Variants in ADAM28 observed in about 807,000 individuals in gnomAD.
ADAM28 encodes ADAM metallopeptidase domain 28.
In ADAM28, 105 loss-of-function variants were observed where a neutral mutation model predicts 101.2. The observed-to-expected ratio is 1.04, with a 90% CI of 0.89 to 1.22. The LOEUF (loss-of-function observed/expected upper bound fraction) is 1.22. Among genes scored for constraint, ADAM28 ranks in the 50% most tolerant of loss-of-function variants. ADAM28 has a pLI of 0.00. For synonymous variants in ADAM28, 322 were observed against 310.6 expected (o/e 1.04, Z -0.39); for missense variants, 1,028 against 945.4 (o/e 1.09, Z -1.15).
rs376448266 is a variant in ADAM28, at chr8:24,326,005, T to C, written c.891-549T>C. On this transcript the variant is annotated intron_variant, in intron 9 of 22. Transcript: ENST00000265769. ...AATTAAAATTACCAAAGACAAAACA[T>C]ATTATCTATGGAAGTATAAGTGCAA... 2.8e-3 allele frequency among the ~76,000 whole-genome samples: 406 copies of C among 145,560 alleles called. 2 individuals carry two copies. The highest frequency in any genetic ancestry group is 0.01 in the African/African-American group (393 of 39,138).
chr8:24,314,695 A>G (rs924864791), intron 6 of ADAM28, among the ~76,000 whole-genome samples: 2 of 151,996 alleles, frequency 1.3e-5, no homozygotes, highest in Non-Finnish European at 2.9e-5. Flanking sequence ...GATCACATAT[A>G]TCTCTAGTAT....
intron 10 of ADAM28, 136 bp from the exon 11 acceptor site, chr8:24,329,849 G>T: frequency 2.4e-6 from 1 of 413,324 alleles, no homozygotes; most frequent in Non-Finnish European, 4.0e-6. Context: ...CTCTTGCTCT[G>T]TGTGTGTGTG....
intron 4 of ADAM28, among the ~76,000 whole-genome samples, chr8:24,310,922 C>A (rs917058686): frequency 6.6e-6 from 1 of 152,118 alleles, no homozygotes; most frequent in Non-Finnish European, 1.5e-5. Flanking sequence ...TCTGATGGAA[C>A]GCTTTTGATA....
Position 24,357,545 on chromosome 8 carries a change from T to C in ADAM28, c.*3141T>C, listed in dbSNP as rs1160700544. ...ACACTTATAAAACCATCAGATCTCT[T>C]GAGAGCTTACTATCTCGACAAAAGC... On this transcript the variant is annotated 3_prime_UTR_variant, in exon 23 of 23. Transcript: ENST00000265769. 1 of 152,086 alleles carries C rather than the reference T, an allele frequency of 6.6e-6. No homozygotes were observed. The highest frequency in any genetic ancestry group is 1.5e-5 in the Non-Finnish European group (1 of 68,014). The allele number at this position is 152,086 out of a possible 1,614,324, so 9.4% of individuals were successfully genotyped here.
At chr8:24,294,500 GA>G (rs1807698488) in intron 1 of ADAM28, among the ~76,000 whole-genome samples, 1 of 152,030 alleles carries the variant, frequency 6.6e-6, no homozygotes, top group South Asian at 2.1e-4. Flanking sequence ...ATTTTTGACT[GA>G]AAAAGTGGAA....
chr8:24,341,805 G>A (rs62498242), intron 16 of ADAM28, 48 bp downstream of exon 16: 260,968 of 1,610,438 alleles, frequency 0.16, 22,993 homozygotes, highest in East Asian at 0.37. Context: ...TTTTACTTTG[G>A]TGTGCTTTGT....
chr8:24,316,709 T>G (rs1413451778), intron 6 of ADAM28, among the ~76,000 whole-genome samples: 1 of 151,982 alleles, frequency 6.6e-6, no homozygotes, highest in Non-Finnish European at 1.5e-5. Context: ...CTATTAAACA[T>G]GTACCAGAAG....
intron 15 of ADAM28, among the ~76,000 whole-genome samples, chr8:24,340,057 A>G (rs1290857100): frequency 6.6e-6 from 1 of 152,210 alleles, no homozygotes; most frequent in East Asian, 1.9e-4. Context: ...AATATTGACA[A>G]TTCATCTGAA....
chr8:24,319,152 T>C (rs1344209946), intron 6 of ADAM28, among the ~76,000 whole-genome samples: 1 of 152,028 alleles, frequency 6.6e-6, no homozygotes. Context: ...CTATTTCACC[T>C]TGGAGTCTAT....
Position 24,329,924 on chromosome 8 carries a change from T to C in ADAM28, c.973-61T>C, listed in dbSNP as rs1490574601. On this transcript the variant is annotated intron_variant, in intron 10 of 22. Transcript: ENST00000265769. ...GAGAGAGAGAGAGAGAGATGGCAAG[T>C]AGAGTGATGTATAATTTCATTCGAA... The C allele has an allele frequency of 2.3e-5, 35 of 1,492,066 alleles. No individual in the cohort carries two copies. The East Asian group carries it at 3.4e-4, about 15-fold the overall frequency. 92.4% of individuals were successfully genotyped at this position (1,492,066 alleles called of 1,614,324 possible). A position where few individuals can be genotyped will look rare whatever the true frequency, so the allele number is the denominator to read the frequency against.
At chr8:24,353,916 AAAAAC>A in intron 22 of ADAM28, 84 bp downstream of exon 22, 1 of 961,740 alleles carries the variant, frequency 1.0e-6, no homozygotes, top group Non-Finnish European at 1.6e-6. Flanking sequence ...CTTTTTAGAA[AAAAAC>A]TTACTAAGAA....
intron 9 of ADAM28, among the ~76,000 whole-genome samples, chr8:24,325,889 A>AAAAAAAC (rs1812526178): frequency 7.7e-5 from 11 of 142,004 alleles, no homozygotes; most frequent in African/African-American, 3.1e-4. Flanking sequence ...AAAAAAAAAA[A>AAAAAAAC]AAAAAAAAAA....
Position 24,343,082 on chromosome 8 carries a change from T to C in ADAM28, c.1831-19T>C. ...CGTTCAGAGAAGATGAAGCTTCATG[T>C]TTTCTACATCACTTTCAGGTTTGCA... On this transcript the variant is annotated intron_variant, in intron 16 of 22. Transcript: ENST00000265769. 3 of 1,613,534 alleles carry C rather than the reference T, an allele frequency of 1.9e-6. No homozygotes were observed. The highest frequency in any genetic ancestry group is 2.5e-6 in the Non-Finnish European group (3 of 1,179,654).
rs1165226765 is a variant in ADAM28, at chr8:24,320,290, G to A, written c.631G>A (p.Val211Ile). 4 of 1,602,160 alleles carry A rather than the reference G, an allele frequency of 2.5e-6. No homozygotes were observed. The African/African-American group carries it at 4.0e-5, about 16-fold the overall frequency. ...TGAGAAATACATAGAATATTATTTG[G>A]TCCTGGATAATGGTGAGGTAATTAT... is the stretch of plus-strand genomic sequence containing the variant. The part of the protein sequence containing the change: ...EHEKYIEYYL[V>I]LDNGEFKRYN... Residue 211 changes from valine (V) to isoleucine (I), a missense_variant, in exon 7 of 23, where the codon GTC (valine) becomes ATC (isoleucine). By Grantham distance (29) the Val-to-Ile change is conservative. Coordinates refer to ENST00000265769, the MANE Select transcript of ADAM28 (RefSeq NM_014265.6).
At chr8:24,344,558 G>T (rs1220822842) in intron 18 of ADAM28, among the ~76,000 whole-genome samples, 1 of 152,078 alleles carries the variant, frequency 6.6e-6, no homozygotes, top group Non-Finnish European at 1.5e-5. Context: ...CTGATGTTTA[G>T]TCTATATTTA....
chr8:24,331,062 C>A, intron 11 of ADAM28, 88 bp from the exon 12 acceptor site: 2 of 1,312,536 alleles, frequency 1.5e-6, no homozygotes, highest in East Asian at 2.5e-5. Flanking sequence ...TGGGGCAGGC[C>A]GTGGGTGTAA....
At chr8:24,342,017 T>C (rs1481471086) in intron 16 of ADAM28, among the ~76,000 whole-genome samples, 1 of 152,178 alleles carries the variant, frequency 6.6e-6, no homozygotes, top group African/African-American at 2.4e-5. Context: ...TCATAGTCAT[T>C]ATTTCAAGAA....
At chr8:24,333,185 T>A (rs974622216) in intron 13 of ADAM28, among the ~76,000 whole-genome samples, 1 of 151,916 alleles carries the variant, frequency 6.6e-6, no homozygotes. Flanking sequence ...AATGGGGAGA[T>A]GATGGTCAAA....
intron 22 of ADAM28, 33 bp downstream of exon 22, chr8:24,353,865 T>C (rs1253772517): frequency 7.2e-7 from 1 of 1,383,100 alleles, no homozygotes; most frequent in Admixed American, 1.8e-5. Context: ...ATTATATTCT[T>C]GTATTATAAT....
Sources: gnomAD v4.1 joint callset for allele counts (sites outside exome capture counted in the v4.1 genomes callset) on GRCh38, gnomAD v4.1.1 for gene constraint, MANE v1.5 for transcripts, NCBI Gene and HGNC (gene_info 2026-07-23, HGNC 2026-07-21) for gene names.